The following RAPGEF6 variants were observed in gnomAD, a reference collection of about 807,000 sequenced individuals.
RAPGEF6 encodes Rap guanine nucleotide exchange factor 6.
A neutral mutation model predicts 171.4 loss-of-function variants in RAPGEF6; 56 were observed. That is an observed-to-expected ratio of 0.33 (90% CI 0.26 to 0.41). RAPGEF6 has a LOEUF of 0.41. Ranked by LOEUF, RAPGEF6 falls within the 10% of genes least tolerant of loss-of-function variation. The pLI, the probability that RAPGEF6 is intolerant of heterozygous loss-of-function variation, is 1.00. For missense variants in RAPGEF6, 1,674 were observed against 1,921.4 expected, an observed-to-expected ratio of 0.87 and a Z score of 2.41; for synonymous variants, 692 against 650.1, an observed-to-expected ratio of 1.06 and a Z score of -0.98.
At chr5:131,498,270 C>T (rs975224941) in intron 12 of RAPGEF6, among the ~76,000 whole-genome samples, 173 bp downstream of exon 12, 2 of 152,156 alleles carry the variant, frequency 1.3e-5, no homozygotes, top group Admixed American at 6.5e-5. Context: ...TTTTAGCATG[C>T]TATTCTGTCA....
At chr5:131,505,633 G>T (rs1310032377) in intron 9 of RAPGEF6, 111 bp from the exon 10 acceptor site, 3 of 978,914 alleles carry the variant, frequency 3.1e-6, no homozygotes, top group Non-Finnish European at 4.4e-6. Context: ...GAAAAAGGAG[G>T]ATCTGGTTAT....
intron 1 of RAPGEF6, among the ~76,000 whole-genome samples, chr5:131,622,055 GC>G (rs1561615282): frequency 6.6e-6 from 1 of 151,922 alleles, no homozygotes; most frequent in African/African-American, 2.4e-5. Flanking sequence ...AATATTTACC[GC>G]ACAAATGTTC....
chr5:131,582,560 C>T (rs909432576), intron 4 of RAPGEF6, among the ~76,000 whole-genome samples: 2 of 151,828 alleles, frequency 1.3e-5, no homozygotes, highest in African/African-American at 4.8e-5. Flanking sequence ...TACATATGAC[C>T]CCCAAAACAT....
chr5:131,533,077 C>G (rs531642045), intron 6 of RAPGEF6: 1 of 152,382 alleles, frequency 6.6e-6, no homozygotes, highest in African/African-American at 2.4e-5. Flanking sequence ...AAAAGGATGA[C>G]ATCACCTGTA....
intron 1 of RAPGEF6, among the ~76,000 whole-genome samples, chr5:131,609,670 G>A (rs1020021050): frequency 3.9e-5 from 6 of 152,246 alleles, no homozygotes; most frequent in Admixed American, 6.5e-5. Flanking sequence ...GAGACCAACC[G>A]TATGAGTTCC....
intron 1 of RAPGEF6, among the ~76,000 whole-genome samples, chr5:131,624,610 G>A (rs1308534015): frequency 1.3e-5 from 2 of 151,798 alleles, no homozygotes; most frequent in Admixed American, 6.6e-5. Flanking sequence ...GCAAGACCTT[G>A]TCTTTAAAAA....
intron 6 of RAPGEF6, among the ~76,000 whole-genome samples, chr5:131,546,920 C>A (rs1229260724): frequency 6.6e-6 from 1 of 152,010 alleles, no homozygotes; most frequent in Non-Finnish European, 1.5e-5. Context: ...CAATCTGTTT[C>A]TAATTTTTCA....
chr5:131,452,698 C>T (rs1443535513), intron 21 of RAPGEF6, among the ~76,000 whole-genome samples: 4 of 150,838 alleles, frequency 2.7e-5, no homozygotes, highest in Non-Finnish European at 5.9e-5. Flanking sequence ...GATCTCCTGA[C>T]CTTGTGATCC....
chr5:131,523,279 C>CTTTTTTTTTTTT (rs1171953953), intron 6 of RAPGEF6, among the ~76,000 whole-genome samples: 80 of 66,664 alleles, frequency 1.2e-3, no homozygotes, highest in African/African-American at 2.8e-3. Context: ...CTGTTGTATG[C>CTTTTTTTTTTTT]TTTTTTTTTT....
chr5:131,440,368 T>C (rs374634371), intron 23 of RAPGEF6: 1 of 372,884 alleles, frequency 2.7e-6, no homozygotes, highest in Non-Finnish European at 5.3e-6. Flanking sequence ...AACTTAGCAA[T>C]GCTTTCAATA....
At position 131,577,921 on chromosome 5, in the gene RAPGEF6, C is replaced by T. The variant is rs138106355; in HGVS notation, c.281+14462G>A. 5.0e-3 allele frequency among the ~76,000 whole-genome samples: 761 copies of T among 152,318 alleles called. 9 individuals carry two copies. Among genetic ancestry groups the T allele is most frequent in the African/African-American group, 0.018 (734 of 41,560 alleles). ...CCCTACTTTTTGCAACATGGCTTTA[C>T]GCAGTCACCCCCACTACTTGGACTG... is the stretch of plus-strand genomic sequence containing the variant. On this transcript the variant is annotated intron_variant, in intron 4 of 27. Coordinates refer to ENST00000509018, the MANE Select transcript of RAPGEF6 (RefSeq NM_016340.6).
intron 5 of RAPGEF6, among the ~76,000 whole-genome samples, chr5:131,549,588 G>A (rs879680824): frequency 2.0e-5 from 3 of 152,098 alleles, no homozygotes; most frequent in Non-Finnish European, 2.9e-5. Flanking sequence ...GCGAGTGCCT[G>A]TAGTCCCTGC....
chr5:131,631,304 C>A (rs557878084), intron 1 of RAPGEF6, among the ~76,000 whole-genome samples: 1 of 152,296 alleles, frequency 6.6e-6, no homozygotes, highest in Non-Finnish European at 1.5e-5. Flanking sequence ...TCTGATCTTG[C>A]CCCTAAAACC....
At chr5:131,525,331 C>CT (rs34801119) in intron 6 of RAPGEF6, among the ~76,000 whole-genome samples, 118,633 of 151,900 alleles carry the variant, frequency 0.78, 46,654 homozygotes, top group African/African-American at 0.84. Context: ...AGCAATAACA[C>CT]GCAAATAAGG....
chr5:131,460,416 C>G (rs1241283275), intron 19 of RAPGEF6, among the ~76,000 whole-genome samples: 4 of 152,142 alleles, frequency 2.6e-5, no homozygotes, highest in Non-Finnish European at 4.4e-5. Context: ...CTTTTTTATA[C>G]AGAGATCTAT....
intron 1 of RAPGEF6, among the ~76,000 whole-genome samples, chr5:131,620,901 C>G (rs1765557614): frequency 6.6e-6 from 1 of 152,122 alleles, no homozygotes; most frequent in Admixed American, 6.5e-5. Flanking sequence ...GTAAAATCCA[C>G]TCTTCACATA....
chr5:131,611,549 ACAATC>A (rs1764935324), intron 1 of RAPGEF6, among the ~76,000 whole-genome samples: 1 of 152,088 alleles, frequency 6.6e-6, no homozygotes, highest in Non-Finnish European at 1.5e-5. Context: ...GTGCATGCCT[ACAATC>A]CCAGCTACTC....
chr5:131,511,428 TTAAG>T, intron 7 of RAPGEF6: 1 of 151,602 alleles, frequency 6.6e-6, no homozygotes, highest in South Asian at 2.1e-4. Flanking sequence ...TCTTAATTCA[TTAAG>T]TATCTCATGT....
At chr5:131,561,880 C>A in intron 5 of RAPGEF6, 98 bp downstream of exon 5, 1 of 864,604 alleles carries the variant, frequency 1.2e-6, no homozygotes, top group South Asian at 1.5e-5. Context: ...TCTAAAAGGT[C>A]ATAGTAATAA....
Sources: allele counts gnomAD v4.1 joint callset (sites outside exome capture counted in the v4.1 genomes callset), GRCh38; gene constraint gnomAD v4.1.1; transcripts MANE v1.5; gene names NCBI Gene and HGNC (gene_info 2026-07-23, HGNC 2026-07-21).